FBXW7: variants seen among roughly 807,000 people sequenced by gnomAD.
FBXW7 encodes the protein F-box and WD repeat domain containing 7, also known as F-box/WD repeat-containing protein 7.
A neutral mutation model predicts 86.3 loss-of-function variants in FBXW7; 11 were observed. That is an observed-to-expected ratio of 0.13 (90% confidence interval 0.08 to 0.21). The LOEUF (loss-of-function observed/expected upper bound fraction) is 0.21. Among genes scored for constraint, FBXW7 ranks in the 10% least tolerant of loss-of-function variants. The pLI, the probability that FBXW7 is intolerant of heterozygous loss-of-function variation, is 1.00. For synonymous variants in FBXW7, 313 were observed against 297.9 expected (o/e 1.05, Z -0.52); for missense variants, 488 against 847.4 (o/e 0.58, Z 5.27).
intron 4 of FBXW7, among the ~76,000 whole-genome samples, chr4:152,358,189 T>C (rs1006209335): frequency 1.3e-5 from 2 of 152,162 alleles, no homozygotes; most frequent in Non-Finnish European, 2.9e-5. Context: ...GGAAAAAAAG[T>C]ATAAAATGTA....
At chr4:152,359,247 G>A (rs1185940289) in intron 4 of FBXW7, among the ~76,000 whole-genome samples, 1 of 151,806 alleles carries the variant, frequency 6.6e-6, no homozygotes, top group East Asian at 1.9e-4. Context: ...TGCTACCAAG[G>A]GCAAACAAAA....
chr4:152,339,500 ATTAAT>A (rs530128108), intron 6 of FBXW7, among the ~76,000 whole-genome samples: 2 of 152,196 alleles, frequency 1.3e-5, no homozygotes, highest in Non-Finnish European at 2.9e-5. Flanking sequence ...GAACAAACTC[ATTAAT>A]TTATTGATTC....
chr4:152,388,107 T>C (rs989571126), intron 4 of FBXW7, among the ~76,000 whole-genome samples: 3 of 152,174 alleles, frequency 2.0e-5, no homozygotes, highest in Non-Finnish European at 2.9e-5. Flanking sequence ...TAAAATCACA[T>C]TTAAAATGAT....
chr4:152,469,683 T>C (rs1428358644), intron 2 of FBXW7, among the ~76,000 whole-genome samples: 1 of 152,124 alleles, frequency 6.6e-6, no homozygotes, highest in Non-Finnish European at 1.5e-5. Context: ...TTAGCATTCC[T>C]GCTCACTAAA....
At chr4:152,362,471 C>G (rs1347531997) in intron 4 of FBXW7, among the ~76,000 whole-genome samples, 2 of 152,030 alleles carry the variant, frequency 1.3e-5, no homozygotes, top group Non-Finnish European at 2.9e-5. Context: ...TCATTTTAAA[C>G]CTTTCCTTTA....
At chr4:152,514,963 C>G (rs1579404796) in intron 2 of FBXW7, among the ~76,000 whole-genome samples, 1 of 152,114 alleles carries the variant, frequency 6.6e-6, no homozygotes, top group African/African-American at 2.4e-5. Flanking sequence ...TCAAAAATAC[C>G]TCTGTTTACG....
intron 2 of FBXW7, among the ~76,000 whole-genome samples, chr4:152,448,985 G>A (rs930466722): frequency 6.6e-6 from 1 of 152,110 alleles, no homozygotes; most frequent in Non-Finnish European, 1.5e-5. Flanking sequence ...TGTTCCCTCT[G>A]TAAATGCACA....
intron 2 of FBXW7, among the ~76,000 whole-genome samples, chr4:152,520,205 G>A (rs571749858): frequency 2.3e-4 from 35 of 151,472 alleles, no homozygotes; most frequent in African/African-American, 2.9e-4. Flanking sequence ...AGGCCGAGGC[G>A]GGTGGATCAT....
intron 2 of FBXW7, among the ~76,000 whole-genome samples, chr4:152,506,140 C>T (rs1747401952): frequency 6.6e-6 from 1 of 151,114 alleles, no homozygotes; most frequent in Admixed American, 6.6e-5. Context: ...ATGTGCTATA[C>T]TTTTTTTTTG....
At chr4:152,394,388 T>C (rs768743455) in intron 4 of FBXW7, among the ~76,000 whole-genome samples, 1 of 152,124 alleles carries the variant, frequency 6.6e-6, no homozygotes, top group Non-Finnish European at 1.5e-5. Flanking sequence ...ATTACCAAAA[T>C]TGACTTGTAG....
At chr4:152,451,808 A>G in intron 2 of FBXW7, 1 of 152,056 alleles carries the variant, frequency 6.6e-6, no homozygotes, top group East Asian at 1.9e-4. Context: ...AAAAAAAAGT[A>G]TCAAATAAAA....
At chr4:152,438,656 C>T (rs953964783) in intron 2 of FBXW7, among the ~76,000 whole-genome samples, 2 of 152,200 alleles carry the variant, frequency 1.3e-5, no homozygotes, top group African/African-American at 2.4e-5. Context: ...GCCTGGGTGA[C>T]AGACTGAGAC....
chr4:152,404,706 C>T (rs775431757), intron 4 of FBXW7, among the ~76,000 whole-genome samples: 6 of 152,136 alleles, frequency 3.9e-5, no homozygotes, highest in Non-Finnish European at 7.4e-5. Flanking sequence ...CTCAATTTAA[C>T]GATCTGTACA....
intron 4 of FBXW7, among the ~76,000 whole-genome samples, chr4:152,377,607 A>G (rs1182516228): frequency 6.6e-6 from 1 of 151,244 alleles, no homozygotes; most frequent in African/African-American, 2.4e-5. Context: ...TCAAAAAAAA[A>G]AAAAAAAGTT....
chr4:152,396,076 C>T lies in FBXW7; in HGVS notation c.501+15227G>A, dbSNP rs1289493985. Among the ~76,000 whole-genome samples, 4 of 151,840 alleles carry T rather than the reference C, an allele frequency of 2.6e-5. No individual in the cohort carries two copies. The East Asian group carries it at 5.8e-4, about 22-fold the overall frequency. ...ATTCATATCAATTAACTTTCTGGACCCTATGGTCCAGAGGGTTTTCTGCTT... is the reference window on the plus strand; with the variant it reads ...ATTCATATCAATTAACTTTCTGGACTCTATGGTCCAGAGGGTTTTCTGCTT... On this transcript the variant is annotated intron_variant, in intron 4 of 13. Coordinates refer to ENST00000281708, the MANE Select transcript of FBXW7 (RefSeq NM_001349798.2).
chr4:152,457,246 A>C (rs914286353), intron 2 of FBXW7, among the ~76,000 whole-genome samples: 8 of 152,224 alleles, frequency 5.3e-5, no homozygotes, highest in African/African-American at 1.9e-4. Context: ...GAGATTACAA[A>C]GAGGCTTTTA....
chr4:152,515,753 C>CTTTTTTTTTT (rs79255425), intron 2 of FBXW7, among the ~76,000 whole-genome samples: 7 of 129,710 alleles, frequency 5.4e-5, no homozygotes, highest in African/African-American at 2.0e-4. Context: ...CCACAACTCT[C>CTTTTTTTTTT]TTTTTTTTTT....
chr4:152,398,185 G>A (rs1401091421), intron 4 of FBXW7, among the ~76,000 whole-genome samples: 1 of 151,830 alleles, frequency 6.6e-6, no homozygotes, highest in Admixed American at 6.6e-5. Flanking sequence ...AAAACACAAA[G>A]TAGGAGAGAA....
chr4:152,458,160 C>T lies in FBXW7; in HGVS notation c.-119-45631G>A, dbSNP rs1241435944. ...TCAGCCTCCCAAGTAGCTGGGATTACAGGCACGCACCACCACGCGCAGCTA... is the reference window on the plus strand; with the variant it reads ...TCAGCCTCCCAAGTAGCTGGGATTATAGGCACGCACCACCACGCGCAGCTA... On this transcript the variant is annotated intron_variant, in intron 2 of 13. Coordinates refer to ENST00000281708, the MANE Select transcript of FBXW7 (RefSeq NM_001349798.2). 2.0e-4 allele frequency among the ~76,000 whole-genome samples: 30 copies of T among 152,114 alleles called. 1 individual carries two copies. The highest frequency in any genetic ancestry group is 1.8e-3 in the Admixed American group (28 of 15,266).
Sources: allele counts gnomAD v4.1 joint callset (sites outside exome capture counted in the v4.1 genomes callset), GRCh38; gene constraint gnomAD v4.1.1; transcripts MANE v1.5; gene names NCBI Gene and HGNC (gene_info 2026-07-23, HGNC 2026-07-21).